The following GALNTL6 variants were observed in gnomAD, a reference collection of about 807,000 sequenced individuals.
The protein encoded by GALNTL6 is polypeptide N-acetylgalactosaminyltransferase like 6.
A neutral mutation model predicts 73.7 loss-of-function variants in GALNTL6; 46 were observed. The ratio of observed to expected loss-of-function variants is 0.62; its 90% CI spans 0.49 to 0.80. GALNTL6 has a LOEUF of 0.80. GALNTL6 is among the 30% of genes least tolerant of loss of function. The pLI is 0.00. For missense variants in GALNTL6, 604 were observed against 755.0 expected, an observed-to-expected ratio of 0.80 and a Z score of 2.34; for synonymous variants, 259 against 263.7, an observed-to-expected ratio of 0.98 and a Z score of 0.17.
At chr4:172,038,039 C>T (rs1159693673) in intron 2 of GALNTL6, among the ~76,000 whole-genome samples, 1 of 151,744 alleles carries the variant, frequency 6.6e-6, no homozygotes, top group Non-Finnish European at 1.5e-5. Flanking sequence ...GAATTGTTTG[C>T]ACCTGGGCGA....
At chr4:172,333,703 G>C (rs1180762136) in intron 4 of GALNTL6, among the ~76,000 whole-genome samples, 1 of 152,018 alleles carries the variant, frequency 6.6e-6, no homozygotes, top group African/African-American at 2.4e-5. Flanking sequence ...AGTCCCTCTT[G>C]TCTATTCTTG....
chr4:172,884,299 A>C (rs1745605020), intron 8 of GALNTL6, among the ~76,000 whole-genome samples: 1 of 152,002 alleles, frequency 6.6e-6, no homozygotes, highest in Non-Finnish European at 1.5e-5. Flanking sequence ...TTTGTCTTTG[A>C]GATAATAGCC....
At chr4:172,362,496 T>C (rs894075863) in intron 5 of GALNTL6, among the ~76,000 whole-genome samples, 1 of 152,110 alleles carries the variant, frequency 6.6e-6, no homozygotes, top group African/African-American at 2.4e-5. Context: ...TCTATGGGCT[T>C]TTCCTTGGGC....
At chr4:172,306,252 G>A (rs1355129385) in intron 3 of GALNTL6, among the ~76,000 whole-genome samples, 1 of 152,106 alleles carries the variant, frequency 6.6e-6, no homozygotes, top group South Asian at 2.1e-4. Flanking sequence ...AGCTGGGCAT[G>A]GTGGCAGGTG....
intron 2 of GALNTL6, among the ~76,000 whole-genome samples, chr4:171,996,551 GAAGAA>G (rs1740490547): frequency 6.6e-6 from 1 of 151,966 alleles, no homozygotes; most frequent in African/African-American, 2.4e-5. Flanking sequence ...TGTCACAGGA[GAAGAA>G]TGTTAAAAGA....
chr4:172,588,549 A>G (rs1737511901), intron 5 of GALNTL6, among the ~76,000 whole-genome samples: 1 of 151,916 alleles, frequency 6.6e-6, no homozygotes, highest in Non-Finnish European at 1.5e-5. Context: ...AAAAAAAAGA[A>G]AAAAAAATCC....
intron 7 of GALNTL6, among the ~76,000 whole-genome samples, chr4:172,834,064 C>G (rs1742779709): frequency 6.6e-6 from 1 of 152,192 alleles, no homozygotes; most frequent in South Asian, 2.1e-4. Context: ...TTGCAGTGAG[C>G]TGAGATTGCA....
At chr4:172,126,591 C>G (rs1185245775) in intron 2 of GALNTL6, among the ~76,000 whole-genome samples, 3 of 152,060 alleles carry the variant, frequency 2.0e-5, no homozygotes, top group Non-Finnish European at 4.4e-5. Context: ...AGTGAGTGAC[C>G]CCAGTGGTTC....
rs1449259743 is a variant in GALNTL6 at position 172,162,967 on chromosome 4, C to T, written c.139-66689C>T. 2.6e-5 allele frequency among the ~76,000 whole-genome samples: 4 copies of T among 151,940 alleles called. No homozygotes were observed. In the South Asian group the frequency reaches 6.2e-4, roughly 24 times the overall value. ...TTTGTGCAATACTGCAATAGGTGACCATGGAGAATAAAGTAGTCATGCCAT... is the reference window on the plus strand; with the variant it reads ...TTTGTGCAATACTGCAATAGGTGACTATGGAGAATAAAGTAGTCATGCCAT... On this transcript the variant is annotated intron_variant, in intron 2 of 12. Coordinates refer to ENST00000506823, the MANE Select transcript of GALNTL6 (RefSeq NM_001034845.3).
At chr4:172,687,508 A>G (rs1049427759) in intron 5 of GALNTL6, among the ~76,000 whole-genome samples, 1 of 151,686 alleles carries the variant, frequency 6.6e-6, no homozygotes, top group Non-Finnish European at 1.5e-5. Flanking sequence ...TGTACCTGTA[A>G]TCCCAGCTAC....
chr4:172,058,105 C>G (rs1731082786), intron 2 of GALNTL6, among the ~76,000 whole-genome samples: 1 of 74,292 alleles, frequency 1.3e-5, no homozygotes, highest in Non-Finnish European at 3.1e-5. Flanking sequence ...GTCACCCAGG[C>G]TGAAGTGGTT....
chr4:172,964,727 G>A (rs926106381), intron 10 of GALNTL6, among the ~76,000 whole-genome samples: 1 of 152,154 alleles, frequency 6.6e-6, no homozygotes, highest in South Asian at 2.1e-4. Flanking sequence ...CAGCTTACAC[G>A]AAAGGAAGTT....
intron 5 of GALNTL6, among the ~76,000 whole-genome samples, chr4:172,695,360 A>C (rs150010847): frequency 3.3e-5 from 5 of 152,128 alleles, no homozygotes; most frequent in African/African-American, 9.7e-5. Context: ...TGATTCATTC[A>C]TTTCTTTCTC....
At chr4:172,819,572 G>A (rs1741809140) in intron 7 of GALNTL6, among the ~76,000 whole-genome samples, 1 of 152,174 alleles carries the variant, frequency 6.6e-6, no homozygotes, top group Admixed American at 6.5e-5. Context: ...ATCATTCCAT[G>A]TTAGTCTTTC....
chr4:172,850,576 A>C (rs960089071), intron 7 of GALNTL6, among the ~76,000 whole-genome samples: 2 of 152,152 alleles, frequency 1.3e-5, no homozygotes, highest in Non-Finnish European at 2.9e-5. Flanking sequence ...TAGACTCCAG[A>C]TGGGCGTCCT....
At chr4:172,826,584 C>G (rs1028587225) in intron 7 of GALNTL6, among the ~76,000 whole-genome samples, 7 of 152,186 alleles carry the variant, frequency 4.6e-5, no homozygotes, top group Non-Finnish European at 1.0e-4. Flanking sequence ...ATCCTTTGTG[C>G]AGGGAATAAT....
At chr4:172,382,333 G>C (rs761056789) in intron 5 of GALNTL6, among the ~76,000 whole-genome samples, 12 of 151,800 alleles carry the variant, frequency 7.9e-5, no homozygotes, top group Non-Finnish European at 1.8e-4. Context: ...ATTTCATTGA[G>C]GTTTTGATTT....
intron 2 of GALNTL6, among the ~76,000 whole-genome samples, chr4:172,062,183 T>C (rs774471167): frequency 6.6e-6 from 1 of 152,064 alleles, no homozygotes; most frequent in African/African-American, 2.4e-5. Flanking sequence ...CTTGAATTCC[T>C]GACCTCATGA....
chr4:171,939,720 A>G (rs1738467527), intron 2 of GALNTL6, among the ~76,000 whole-genome samples: 1 of 152,104 alleles, frequency 6.6e-6, no homozygotes, highest in Non-Finnish European at 1.5e-5. Flanking sequence ...CTGCTGAATT[A>G]ATAAAAATAT....
Sources: allele counts gnomAD v4.1 joint callset (sites outside exome capture counted in the v4.1 genomes callset), GRCh38; gene constraint gnomAD v4.1.1; transcripts MANE v1.5; gene names NCBI Gene and HGNC (gene_info 2026-07-23, HGNC 2026-07-21).